Variants in PPM1L observed in about 807,000 individuals in gnomAD.
The protein encoded by PPM1L is protein phosphatase 1L.
Under a neutral mutation model 31.4 loss-of-function variants are expected in PPM1L, and 13 were observed. The ratio of observed to expected loss-of-function variants is 0.41; its 90% CI spans 0.27 to 0.66. PPM1L has a LOEUF of 0.66. Ranked by LOEUF, PPM1L falls within the 30% of genes least tolerant of loss-of-function variation. The pLI is 0.29. For missense variants in PPM1L, 326 were observed against 453.7 expected, an observed-to-expected ratio of 0.72 and a Z score of 2.56; for synonymous variants, 184 against 175.4, an observed-to-expected ratio of 1.05 and a Z score of -0.39.
At chr3:160,924,283 A>G (rs766547895) in intron 1 of PPM1L, among the ~76,000 whole-genome samples, 1 of 152,156 alleles carries the variant, frequency 6.6e-6, no homozygotes, top group Non-Finnish European at 1.5e-5. Flanking sequence ...GAAATTTTGG[A>G]TACATTGAAG....
chr3:160,841,206 A>G (rs1285989339), intron 1 of PPM1L, among the ~76,000 whole-genome samples: 3 of 151,926 alleles, frequency 2.0e-5, no homozygotes, highest in African/African-American at 7.3e-5. Flanking sequence ...TTCTCCTGAT[A>G]GCTTACTTCT....
intron 1 of PPM1L, among the ~76,000 whole-genome samples, chr3:160,776,579 CACTACCTTGGT>C (rs957745874): frequency 6.7e-6 from 1 of 149,610 alleles, no homozygotes; most frequent in African/African-American, 2.5e-5. Flanking sequence ...AGATATACTG[CACTACCTTGGT>C]ACTACCTTGG....
chr3:160,989,981 TG>T (rs1717079464), intron 2 of PPM1L, among the ~76,000 whole-genome samples: 2 of 150,064 alleles, frequency 1.3e-5, no homozygotes, highest in South Asian at 4.2e-4. Context: ...ACGTTGTTTT[TG>T]TTTTGTTTTG....
intron 1 of PPM1L, among the ~76,000 whole-genome samples, chr3:160,834,352 G>T (rs1302712359): frequency 6.6e-6 from 1 of 151,972 alleles, no homozygotes; most frequent in Non-Finnish European, 1.5e-5. Flanking sequence ...CCCATTGCTT[G>T]TTTTTGTCAG....
intron 2 of PPM1L, among the ~76,000 whole-genome samples, chr3:160,990,190 A>G (rs1307889190): frequency 2.0e-5 from 3 of 151,748 alleles, no homozygotes; most frequent in African/African-American, 7.3e-5. Flanking sequence ...TTGTAAAGAC[A>G]GGAGTCTCAT....
chr3:161,038,170 C>T (rs1244167359), intron 2 of PPM1L, among the ~76,000 whole-genome samples: 1 of 143,666 alleles, frequency 7.0e-6, no homozygotes, highest in Non-Finnish European at 1.5e-5. Flanking sequence ...GGAGGCGGAG[C>T]TTGCAGTGAG....
rs992003192 is a variant in PPM1L at position 160,949,161 on chromosome 3, C to A, written c.400-12575C>A. The stretch of plus-strand genomic sequence containing the variant: ...AGAAACACTGATGAAGCCCAGTGAC[C>A]GAATTTTGTAGAAAAAACCGAAGCC... On this transcript the variant is annotated intron_variant, in intron 1 of 3. Transcript: ENST00000498165. Among the ~76,000 whole-genome samples, 25 of 152,180 alleles carry A rather than the reference C, an allele frequency of 1.6e-4. 1 individual carries two copies. In the South Asian group the frequency reaches 2.3e-3, roughly 14 times the overall value.
intron 2 of PPM1L, among the ~76,000 whole-genome samples, chr3:160,965,417 C>T (rs752751423): frequency 5.9e-5 from 9 of 151,994 alleles, no homozygotes; most frequent in Admixed American, 6.6e-5. Context: ...TACACCCATT[C>T]TGTTTTTCAT....
chr3:160,959,012 G>A (rs1715869354), intron 1 of PPM1L, among the ~76,000 whole-genome samples: 1 of 152,174 alleles, frequency 6.6e-6, no homozygotes, highest in Non-Finnish European at 1.5e-5. Flanking sequence ...GTGTATAGCA[G>A]CACAATTCAC....
intron 2 of PPM1L, among the ~76,000 whole-genome samples, chr3:161,052,532 A>G (rs1359770672): frequency 1.3e-5 from 2 of 152,230 alleles, no homozygotes; most frequent in African/African-American, 2.4e-5. Flanking sequence ...TCAAAAGCTG[A>G]GCATAACTAT....
At chr3:160,816,292 T>TGTGTGTGTGTGTGTGA (rs10576376) in intron 1 of PPM1L, among the ~76,000 whole-genome samples, 1 of 147,148 alleles carries the variant, frequency 6.8e-6, no homozygotes, top group African/African-American at 2.5e-5. Flanking sequence ...TGTGTGTGTG[T>TGTGTGTGTGTGTGTGA]GAAACCCATA....
chr3:160,944,696 T>A lies in PPM1L; in HGVS notation c.400-17040T>A, dbSNP rs538937262. 5.5e-4 allele frequency among the ~76,000 whole-genome samples: 73 copies of A among 133,636 alleles called. 1 individual carries two copies. In the South Asian group the frequency reaches 0.015, roughly 27 times the overall value. 87.7% of individuals were successfully genotyped at this position (133,636 alleles called of 152,430 possible). A position where few individuals can be genotyped will look rare whatever the true frequency, so the allele number is the denominator to read the frequency against. Reference sequence around the variant, plus strand: ...CACATAATAAATGCAAGCTAAAAAATTAATTTTATATATAATATATATGTT... The same window carrying A: ...CACATAATAAATGCAAGCTAAAAAAATAATTTTATATATAATATATATGTT... On this transcript the variant is annotated intron_variant, in intron 1 of 3. Coordinates refer to ENST00000498165, the MANE Select transcript of PPM1L (RefSeq NM_139245.4).
intron 1 of PPM1L, among the ~76,000 whole-genome samples, chr3:160,836,904 T>G (rs1713734064): frequency 6.6e-6 from 1 of 152,228 alleles, no homozygotes; most frequent in Non-Finnish European, 1.5e-5. Context: ...TCTCCTTCCC[T>G]TCTTAGAGAC....
intron 1 of PPM1L, among the ~76,000 whole-genome samples, chr3:160,865,741 C>T (rs1271398192): frequency 1.3e-5 from 2 of 152,214 alleles, no homozygotes; most frequent in East Asian, 3.9e-4. Flanking sequence ...TGCCACTGCA[C>T]TCTAACCAGG....
intron 1 of PPM1L, among the ~76,000 whole-genome samples, chr3:160,820,268 A>C (rs1713154860): frequency 6.6e-6 from 1 of 152,122 alleles, no homozygotes; most frequent in African/African-American, 2.4e-5. Context: ...CATGATGATG[A>C]AATCATCCTT....
intron 1 of PPM1L, among the ~76,000 whole-genome samples, chr3:160,850,973 C>G (rs1472223604): frequency 6.6e-6 from 1 of 151,970 alleles, no homozygotes; most frequent in Admixed American, 6.6e-5. Context: ...CCCCCCACCC[C>G]ACCTCCCTGT....
intron 2 of PPM1L, among the ~76,000 whole-genome samples, chr3:160,985,928 T>C (rs1308428203): frequency 6.6e-6 from 1 of 151,854 alleles, no homozygotes; most frequent in East Asian, 1.9e-4. Flanking sequence ...TTTTATTTTA[T>C]TATAGATGCC....
intron 2 of PPM1L, among the ~76,000 whole-genome samples, chr3:161,025,371 C>G (rs1158809884): frequency 6.6e-6 from 1 of 151,934 alleles, no homozygotes; most frequent in Non-Finnish European, 1.5e-5. Flanking sequence ...TGAGACCAGC[C>G]TGGAAAACAT....
At chr3:160,910,450 T>C (rs968079963) in intron 1 of PPM1L, among the ~76,000 whole-genome samples, 9 of 151,874 alleles carry the variant, frequency 5.9e-5, no homozygotes, top group African/African-American at 2.2e-4. Flanking sequence ...GTAGCTGGGA[T>C]TAAGGCATGC....
Sources: allele counts gnomAD v4.1 joint callset (sites outside exome capture counted in the v4.1 genomes callset), GRCh38; gene constraint gnomAD v4.1.1; transcripts MANE v1.5; gene names NCBI Gene and HGNC (gene_info 2026-07-23, HGNC 2026-07-21).